HPS5: variants seen among roughly 807,000 people sequenced by gnomAD.
HPS5 encodes BLOC-2 complex member HPS5.
HPS5 carries 83 observed loss-of-function variants against 128.0 expected under a neutral mutation model. The observed-to-expected ratio is 0.65, with a 90% CI of 0.54 to 0.78. The LOEUF is 0.78. Ranked by LOEUF, HPS5 falls within the 30% of genes least tolerant of loss-of-function variation. HPS5 has a pLI of 0.00. For missense variants in HPS5, 1,281 were observed against 1,326.2 expected, an observed-to-expected ratio of 0.97 and a Z score of 0.53; for synonymous variants, 475 against 470.2, an observed-to-expected ratio of 1.01 and a Z score of -0.13.
At chr11:18,289,284 G>A (rs1449421142) in intron 16 of HPS5, among the ~76,000 whole-genome samples, 2 of 152,192 alleles carry the variant, frequency 1.3e-5, no homozygotes, top group Admixed American at 1.3e-4. Flanking sequence ...CCATTCAGAG[G>A]TTTGGGGAAG....
intron 8 of HPS5, among the ~76,000 whole-genome samples, chr11:18,303,124 T>A (rs1861927970): frequency 6.6e-6 from 1 of 152,134 alleles, no homozygotes; most frequent in South Asian, 2.1e-4. Context: ...GATTTATGGG[T>A]TGCAACAGTA....
At position 18,279,877 on chromosome 11, in the gene HPS5, T is replaced by TC; in HGVS notation, c.*4dup. 1 of 1,613,490 alleles carries TC rather than the reference T, an allele frequency of 6.2e-7. No individual in the cohort carries two copies. The highest frequency in any genetic ancestry group is 8.5e-7 in the Non-Finnish European group (1 of 1,179,394). On this transcript the variant is annotated 3_prime_UTR_variant, in exon 23 of 23. Coordinates refer to ENST00000349215, the MANE Select transcript of HPS5 (RefSeq NM_181507.2). ...TGTCATGACATCCTGCTGAATCTTCTCCCACTAGGCCTGCTGGGACCAGAG... is the reference window on the plus strand; with the variant it reads ...TGTCATGACATCCTGCTGAATCTTCTCCCCACTAGGCCTGCTGGGACCAGAG...
intron 8 of HPS5, among the ~76,000 whole-genome samples, chr11:18,305,081 T>A (rs780783118): frequency 1.3e-5 from 2 of 152,232 alleles, no homozygotes; most frequent in Non-Finnish European, 2.9e-5. Flanking sequence ...TAAAAACACA[T>A]ACATCTGTGT....
At chr11:18,301,254 G>A (rs550293038) in intron 8 of HPS5, among the ~76,000 whole-genome samples, 5 of 152,026 alleles carry the variant, frequency 3.3e-5, no homozygotes, top group African/African-American at 7.2e-5. Flanking sequence ...TCAGGAGTTT[G>A]AGACTAGCCA....
At chr11:18,317,326 A>T (rs1263792874) in intron 2 of HPS5, among the ~76,000 whole-genome samples, 1 of 147,604 alleles carries the variant, frequency 6.8e-6, no homozygotes, top group Admixed American at 6.8e-5. Flanking sequence ...CATGACCTCG[A>T]CTCACTGCAA....
rs778968311 is a variant in HPS5 at position 18,287,878 on chromosome 11, T to C, written c.2561+15A>G. ...TGTGCTTTAGCTCATATAAACAATA[T>C]ACAGGACAACTTACCGGGTAGCATA... On this transcript the variant is annotated intron_variant, in intron 17 of 22. Coordinates refer to ENST00000349215, the MANE Select transcript of HPS5 (RefSeq NM_181507.2). The C allele has an allele frequency of 1.1e-5, 17 of 1,613,792 alleles. No homozygotes were observed. The Admixed American group carries it at 1.8e-4, about 17-fold the overall frequency.
At chr11:18,318,790 C>T (rs780415650) in intron 1 of HPS5, among the ~76,000 whole-genome samples, 4 of 152,142 alleles carry the variant, frequency 2.6e-5, no homozygotes, top group Non-Finnish European at 5.9e-5. Context: ...TCATGCTTTA[C>T]GTTTTTGACT....
intron 16 of HPS5, among the ~76,000 whole-genome samples, chr11:18,289,578 A>AG (rs1470004118): frequency 6.8e-6 from 1 of 147,160 alleles, no homozygotes; most frequent in Non-Finnish European, 1.5e-5. Flanking sequence ...ACCTCAACTC[A>AG]GAAAAAAAAA....
chr11:18,287,168 C>T (rs1243172225), intron 18 of HPS5, among the ~76,000 whole-genome samples: 1 of 152,148 alleles, frequency 6.6e-6, no homozygotes, highest in East Asian at 1.9e-4. Flanking sequence ...GACAGAAAAT[C>T]AGACATCAGC....
chr11:18,321,470 A>C (rs1256378797), intron 1 of HPS5, among the ~76,000 whole-genome samples: 4 of 152,236 alleles, frequency 2.6e-5, no homozygotes, highest in South Asian at 4.1e-4. Context: ...TGCTTAACCA[A>C]AGTAAATGAA....
chr11:18,288,112 C>A, intron 16 of HPS5, 99 bp from the exon 17 acceptor site: 1 of 1,267,722 alleles, frequency 7.9e-7, no homozygotes, highest in Non-Finnish European at 1.1e-6. Context: ...CACGTACCTA[C>A]TGTGTGGACC....
chr11:18,294,969 C>T, intron 14 of HPS5, 51 bp downstream of exon 14: 1 of 1,607,612 alleles, frequency 6.2e-7, no homozygotes, highest in Non-Finnish European at 8.5e-7. Context: ...TTTCTTAAAA[C>T]TGACAGCTGG....
rs757270254 is a variant in HPS5 at position 18,287,651 on chromosome 11, T to A, written c.2601A>T (p.Leu867Phe). 2 of 1,614,180 alleles carry A rather than the reference T, an allele frequency of 1.2e-6. No individual in the cohort carries two copies. The highest frequency in any genetic ancestry group is 1.7e-6 in the Non-Finnish European group (2 of 1,180,014). Residue 867 changes from leucine to phenylalanine, a missense_variant, in exon 18 of 23, where the codon TTA (leucine) becomes TTT (phenylalanine). By Grantham distance (22) the Leu-to-Phe change is conservative. Coordinates refer to ENST00000349215, the MANE Select transcript of HPS5 (RefSeq NM_181507.2). The stretch of plus-strand genomic sequence containing the variant: ...GCAAAATGGATGGAAAGAACTTGAT[T>A]AAGGATCGAAGAGCAGACTCCCCAA... Reference protein sequence around the residue: ...EKFGESALRSLIKFFPSILPS... With the variant: ...EKFGESALRSFIKFFPSILPS...
chr11:18,285,016 T>C (rs1859521642), intron 20 of HPS5, among the ~76,000 whole-genome samples: 1 of 152,078 alleles, frequency 6.6e-6, no homozygotes, highest in South Asian at 2.1e-4. Flanking sequence ...CTGTATTAAT[T>C]ATAAAAGTCT....
Position 18,279,757 on chromosome 11 carries a change from G to T in HPS5, c.*125C>A. 2 of 866,690 alleles carry T rather than the reference G, an allele frequency of 2.3e-6. No homozygotes were observed. Among genetic ancestry groups the T allele is most frequent in the African/African-American group, 1.7e-5 (1 of 60,098 alleles). The allele number at this position is 866,690 out of a possible 1,614,324, so 53.7% of individuals were successfully genotyped here. The stretch of plus-strand genomic sequence containing the variant: ...AAGGGTACAGACACTGACAAAAGTA[G>T]CCCCAATAAGATGGCAGGATTTGGG... On this transcript the variant is annotated 3_prime_UTR_variant, in exon 23 of 23. Coordinates refer to ENST00000349215, the MANE Select transcript of HPS5 (RefSeq NM_181507.2).
At chr11:18,297,235 G>C (rs1413146583) in intron 11 of HPS5, among the ~76,000 whole-genome samples, 4 of 152,176 alleles carry the variant, frequency 2.6e-5, no homozygotes, top group African/African-American at 9.7e-5. Flanking sequence ...GATTAAATGA[G>C]ATAATCCAGA....
Position 18,296,845 on chromosome 11 carries a change from T to G in HPS5, c.1463A>C (p.Gln488Pro), listed in dbSNP as rs1861131677. Residue 488 changes from glutamine to proline, a missense_variant, in exon 12 of 23, where the codon CAG becomes CCG. Transcript: ENST00000349215. ...DERFKEFTSQ[Q>P]EEDLPDQCCG... ...ACACTGATCTGGCAGGTCCTCTTCC[T>G]GCTGTGAGGTGAATTCTTTAAATCT... is the stretch of plus-strand genomic sequence containing the variant. 6.2e-7 allele frequency: 1 copy of G among 1,614,142 alleles called. No homozygotes were observed. The highest frequency in any genetic ancestry group is 8.5e-7 in the Non-Finnish European group (1 of 1,179,996).
intron 5 of HPS5, among the ~76,000 whole-genome samples, chr11:18,309,939 A>G (rs781718605): frequency 7.9e-5 from 12 of 152,150 alleles, no homozygotes; most frequent in Non-Finnish European, 1.6e-4. Context: ...GGCAATCAAG[A>G]CTGCAGTGAG....
intron 22 of HPS5, among the ~76,000 whole-genome samples, chr11:18,281,556 C>T (rs1329499434): frequency 7.3e-6 from 1 of 136,338 alleles, no homozygotes; most frequent in Non-Finnish European, 1.6e-5. Context: ...CGTGCCACCA[C>T]ACCCAGCTAA....
Sources: gnomAD v4.1 joint callset for allele counts (sites outside exome capture counted in the v4.1 genomes callset) on GRCh38, gnomAD v4.1.1 for gene constraint, MANE v1.5 for transcripts, NCBI Gene and HGNC (gene_info 2026-07-23, HGNC 2026-07-21) for gene names.